Variants in LBHD1 observed in about 807,000 individuals in gnomAD.
LBHD1 encodes LBH domain containing 1.
LBHD1 carries 28 observed loss-of-function variants against 31.1 expected under a neutral mutation model. The ratio of observed to expected loss-of-function variants is 0.90; its 90% CI spans 0.67 to 1.24. LBHD1 has a LOEUF of 1.24. Ranked by LOEUF, LBHD1 falls within the 50% of genes most tolerant of loss-of-function variation. The probability of loss-of-function intolerance (pLI) is 0.00; values close to 1 mark genes in which losing one functional copy is unlikely to be tolerated. For missense variants in LBHD1, 350 were observed against 323.0 expected (o/e 1.08, Z -0.64); for synonymous variants, 105 against 116.5 (o/e 0.90, Z 0.63).
chr11:62,665,163 C>A lies in LBHD1; in HGVS notation c.539-190G>T, dbSNP rs1035780214. 6.7e-6 allele frequency: 6 copies of A among 898,018 alleles called. No homozygotes were observed. The African/African-American group carries it at 8.2e-5, about 12-fold the overall frequency. 55.6% of individuals were successfully genotyped at this position (898,018 alleles called of 1,614,324 possible). A position where few individuals can be genotyped will look rare whatever the true frequency, so the allele number is the denominator to read the frequency against. On this transcript the variant is annotated intron_variant, in intron 4 of 6. Coordinates refer to ENST00000354588, the MANE Select transcript of LBHD1 (RefSeq NM_024099.5). ...GGCCGGTTGATCTTTCCCCCCGGAGCTCCCATAGTCGCGATTCCACTCCAG... is the reference window on the plus strand; with the variant it reads ...GGCCGGTTGATCTTTCCCCCCGGAGATCCCATAGTCGCGATTCCACTCCAG...
intron 1 of LBHD1, 116 bp downstream of exon 1, chr11:62,671,448 C>T: frequency 7.6e-7 from 1 of 1,308,748 alleles, no homozygotes; most frequent in South Asian, 1.5e-5. Flanking sequence ...CCACGGCAAC[C>T]ATGAAGACAC....
In LBHD1 at chr11:62,664,850, C is replaced by G; in HGVS notation, c.662G>C (p.Gly221Ala). Residue 221 changes from glycine to alanine, a missense_variant and splice_region_variant, in exon 5 of 7, where the codon GGC (glycine) becomes GCC (alanine). Transcript: ENST00000354588. ...ADHAAPPQEA[G>A]VQCTCQHYTV... ...ACAGGAAGAGGGTCTAGTACTTACG[C>G]CCGCTTCTTGAGGTGGTGCCGCGTG... 6.4e-7 allele frequency: 1 copy of G among 1,565,932 alleles called. No homozygotes were observed. The highest frequency in any genetic ancestry group is 1.2e-5 in the South Asian group (1 of 85,716).
At chr11:62,671,049 T>G (rs1944929967) in intron 1 of LBHD1, 2 of 279,004 alleles carry the variant, frequency 7.2e-6, no homozygotes, top group East Asian at 8.9e-5. Flanking sequence ...CAGTGAGCCA[T>G]GATCGCGCCA....
chr11:62,671,186 G>A (rs1300499817), intron 1 of LBHD1: 3 of 438,760 alleles, frequency 6.8e-6, no homozygotes, highest in South Asian at 1.6e-5. Flanking sequence ...GTACCATGAC[G>A]AGAAAAGGAA....
intron 4 of LBHD1, 164 bp from the exon 5 acceptor site, chr11:62,665,137 G>A (rs1944759344): frequency 9.4e-7 from 1 of 1,065,702 alleles, no homozygotes; most frequent in Admixed American, 2.0e-5. Context: ...TCACCGTTCG[G>A]GGCCGGTTGA....
intron 4 of LBHD1, chr11:62,665,207 G>C: frequency 1.3e-6 from 1 of 794,720 alleles, no homozygotes; most frequent in South Asian, 1.4e-5. Flanking sequence ...CCGTACTTCC[G>C]CTCAGCGCCG....
chr11:62,670,339 A>AT, intron 1 of LBHD1: 1 of 372,892 alleles, frequency 2.7e-6, no homozygotes, highest in Non-Finnish European at 4.8e-6. Flanking sequence ...ATGCTTACTG[A>AT]TTTTTCCCAA....
At chr11:62,666,363 A>C in intron 4 of LBHD1, 1 of 1,601,564 alleles carries the variant, frequency 6.2e-7, no homozygotes. Context: ...GTGGCGACAT[A>C]GACCAAGTGA....
Position 62,672,086 on chromosome 11 carries a change from A to G in LBHD1, c.-533T>C, listed in dbSNP as rs752894650. 6.3e-6 allele frequency: 10 copies of G among 1,597,730 alleles called. No individual in the cohort carries two copies. The African/African-American group carries it at 1.3e-4, about 21-fold the overall frequency. On this transcript the variant is annotated 5_prime_UTR_variant, in exon 1 of 7. Transcript: ENST00000354588. ...AGGAAGAACTGGATGGTTGGCGGCG[A>G]AGGCGGCGCCGGCGGGAGGTCACCG...
chr11:62,671,807 G>GT lies in LBHD1; in HGVS notation c.-255_-254insA, dbSNP rs754644384. 22 of 1,614,044 alleles carry GT rather than the reference G, an allele frequency of 1.4e-5. No individual in the cohort carries two copies. Among genetic ancestry groups the GT allele is most frequent in the African/African-American group, 2.7e-5 (2 of 74,948 alleles). On this transcript the variant is annotated 5_prime_UTR_variant, in exon 1 of 7. Transcript: ENST00000354588. The stretch of plus-strand genomic sequence containing the variant: ...ATGCTGGGCGCAGGGGCTGGCGTGG[G>GT]CTACGCGCTCCTCGTTATCGTGACC...
At chr11:62,667,034 A>T in intron 4 of LBHD1, 1 of 1,602,822 alleles carries the variant, frequency 6.2e-7, no homozygotes, top group East Asian at 2.2e-5. Flanking sequence ...TGCTTACTTG[A>T]TTCAAGGCTC....
intron 5 of LBHD1, among the ~76,000 whole-genome samples, chr11:62,664,580 C>G (rs542877955): frequency 6.6e-6 from 1 of 152,278 alleles, no homozygotes; most frequent in Non-Finnish European, 1.5e-5. Context: ...ATCCGCCCAC[C>G]TCAGCCCCCC....
intron 4 of LBHD1, chr11:62,667,240 G>A: frequency 3.0e-6 from 2 of 660,666 alleles, no homozygotes; most frequent in South Asian, 2.0e-5. Flanking sequence ...ATAACTTGGA[G>A]TTACGGAGAT....
rs7386 is a variant in LBHD1, at chr11:62,662,863, G to A, written c.*266C>T. 0.43 allele frequency: 251,976 copies of A among 591,300 alleles called. 59,222 individuals are homozygous for A. The highest frequency in any genetic ancestry group is 0.55 in the South Asian group (25,415 of 46,456). The allele number at this position is 591,300 out of a possible 1,614,324, so 36.6% of individuals were successfully genotyped here. ...ACAAATGGAGTTGACTGCTAGAGAG[G>A]CCCTTCTCCAATCTTTCTTCTGTAC... is the stretch of plus-strand genomic sequence containing the variant. On this transcript the variant is annotated 3_prime_UTR_variant, in exon 7 of 7. Transcript: ENST00000354588.
chr11:62,667,330 CAACT>C (rs1313711725), intron 4 of LBHD1, 189 bp downstream of exon 4: 2 of 661,330 alleles, frequency 3.0e-6, no homozygotes, highest in Non-Finnish European at 5.2e-6. Context: ...TCCCCAGTTT[CAACT>C]AACTGGAGCT....
Position 62,664,829 on chromosome 11 carries a change from G to A in LBHD1, c.663+20C>T. 6.4e-7 allele frequency: 1 copy of A among 1,556,830 alleles called. No homozygotes were observed. Among genetic ancestry groups the A allele is most frequent in the Non-Finnish European group, 8.7e-7 (1 of 1,150,274 alleles). Reference sequence around the variant, plus strand: ...AAGACTCGGTGGGGACGACCAACAGGAAGAGGGTCTAGTACTTACGCCCGC... The same window carrying A: ...AAGACTCGGTGGGGACGACCAACAGAAAGAGGGTCTAGTACTTACGCCCGC... On this transcript the variant is annotated intron_variant, in intron 5 of 6. Coordinates refer to ENST00000354588, the MANE Select transcript of LBHD1 (RefSeq NM_024099.5).
chr11:62,664,853 GCTT>G lies in LBHD1; in HGVS notation c.656_658del (p.Glu219del). ...GGAAGAGGGTCTAGTACTTACGCCC[GCTT>G]CTTGAGGTGGTGCCGCGTGATCAGC... On this transcript the variant is annotated inframe_deletion, in exon 5 of 7. Transcript: ENST00000354588. 6.4e-7 allele frequency: 1 copy of G among 1,567,624 alleles called. No individual in the cohort carries two copies. The highest frequency in any genetic ancestry group is 8.7e-7 in the Non-Finnish European group (1 of 1,155,822).
intron 4 of LBHD1, chr11:62,667,053 G>A: frequency 6.3e-7 from 1 of 1,591,084 alleles, no homozygotes; most frequent in South Asian, 1.1e-5. Flanking sequence ...TCTCATTAAA[G>A]ACATTTTAGT....
At chr11:62,665,487 A>G in intron 4 of LBHD1, 1 of 1,574,042 alleles carries the variant, frequency 6.4e-7, no homozygotes, top group Non-Finnish European at 8.6e-7. Context: ...GGAAGAGGGA[A>G]AGGGCTCTGG....
Sources: gnomAD v4.1 joint callset for allele counts (sites outside exome capture counted in the v4.1 genomes callset) on GRCh38, gnomAD v4.1.1 for gene constraint, MANE v1.5 for transcripts, NCBI Gene and HGNC (gene_info 2026-07-23, HGNC 2026-07-21) for gene names.